The following ADARB2 variants were observed in gnomAD, a reference collection of about 807,000 sequenced individuals.
ADARB2 encodes the protein inactive double-stranded RNA-specific editase B2.
ADARB2 carries 25 observed loss-of-function variants against 62.2 expected under a neutral mutation model. That is an observed-to-expected ratio of 0.40 (90% CI 0.29 to 0.56). ADARB2 has a LOEUF of 0.56. ADARB2 is among the 20% of genes least tolerant of loss of function. The pLI is 0.43. For synonymous variants in ADARB2, 572 were observed against 500.8 expected (o/e 1.14, Z -1.90); for missense variants, 1,071 against 1,077.4 (o/e 0.99, Z 0.08).
chr10:1,622,380 C>T (rs1229279924), intron 1 of ADARB2, among the ~76,000 whole-genome samples: 1 of 152,132 alleles, frequency 6.6e-6, no homozygotes, highest in African/African-American at 2.4e-5. Context: ...CTTCAAAACA[C>T]ATCTTTAATG....
intron 1 of ADARB2, among the ~76,000 whole-genome samples, chr10:1,519,016 A>G (rs4880858): frequency 0.78 from 118,210 of 150,812 alleles, 46,590 homozygotes; most frequent in Middle Eastern, 0.84. Flanking sequence ...ACGTCTGCAC[A>G]TGGTATGGTC....
chr10:1,464,246 G>A (rs1287201627), intron 1 of ADARB2, among the ~76,000 whole-genome samples: 6 of 117,900 alleles, frequency 5.1e-5, no homozygotes, highest in African/African-American at 1.5e-4. Context: ...CGGGCAGTGC[G>A]CCGGAGAAGA....
In ADARB2 at chr10:1,534,067, G is replaced by A. The variant is rs531913722; in HGVS notation, c.101-154907C>T. Reference sequence around the variant, plus strand: ...GGAGAGAGAGAGAGAGAGAGAGATTGATTTAGTTTCTGAGGAGACAAACAC... The same window carrying A: ...GGAGAGAGAGAGAGAGAGAGAGATTAATTTAGTTTCTGAGGAGACAAACAC... On this transcript the variant is annotated intron_variant, in intron 1 of 9. Coordinates refer to ENST00000381312, the MANE Select transcript of ADARB2 (RefSeq NM_018702.4). Among the ~76,000 whole-genome samples the A allele has an allele frequency of 3.3e-5, 5 of 151,324 alleles. No individual in the cohort carries two copies. In the South Asian group the frequency reaches 6.3e-4, roughly 19 times the overall value.
intron 1 of ADARB2, among the ~76,000 whole-genome samples, chr10:1,455,332 AC>A (rs1831084258): frequency 6.6e-6 from 1 of 152,236 alleles, no homozygotes; most frequent in Admixed American, 6.5e-5. Context: ...TTAATTTAAA[AC>A]AATTATGATG....
chr10:1,311,595 C>T (rs1049526362), intron 3 of ADARB2, among the ~76,000 whole-genome samples: 5 of 152,212 alleles, frequency 3.3e-5, no homozygotes, highest in Non-Finnish European at 7.3e-5. Context: ...GAGTGTCCCC[C>T]TGCCTGCTCC....
chr10:1,199,182 C>T (rs900153292), intron 8 of ADARB2, among the ~76,000 whole-genome samples: 9 of 152,084 alleles, frequency 5.9e-5, no homozygotes, highest in Non-Finnish European at 1.3e-4. Flanking sequence ...TTCTGCAGGC[C>T]CAGCATGAGG....
chr10:1,318,926 C>T (rs939538695), intron 3 of ADARB2, among the ~76,000 whole-genome samples: 11 of 152,154 alleles, frequency 7.2e-5, no homozygotes, highest in African/African-American at 1.7e-4. Context: ...GTAGATGGAC[C>T]GTGCTCCAAA....
intron 1 of ADARB2, among the ~76,000 whole-genome samples, chr10:1,613,685 A>G (rs1343426454): frequency 6.6e-6 from 1 of 152,240 alleles, no homozygotes; most frequent in East Asian, 1.9e-4. Flanking sequence ...AGAGTCTTCA[A>G]AGGTGGAGTT....
At chr10:1,680,158 C>T (rs1185635091) in intron 1 of ADARB2, among the ~76,000 whole-genome samples, 1 of 151,972 alleles carries the variant, frequency 6.6e-6, no homozygotes, top group Non-Finnish European at 1.5e-5. Context: ...ACCCGCCACT[C>T]ATACAAACTG....
At chr10:1,311,904 T>G (rs537117141) in intron 3 of ADARB2, among the ~76,000 whole-genome samples, 1 of 152,228 alleles carries the variant, frequency 6.6e-6, no homozygotes, top group Non-Finnish European at 1.5e-5. Flanking sequence ...GAAGGAATGA[T>G]TGAGTCTGTG....
chr10:1,577,313 T>C (rs113379748), intron 1 of ADARB2, among the ~76,000 whole-genome samples: 565 of 83,232 alleles, frequency 6.8e-3, no homozygotes, highest in African/African-American at 9.6e-3. Flanking sequence ...AGGTGCATCC[T>C]GGTGTAAGGC....
At chr10:1,587,288 C>T (rs992804984) in intron 1 of ADARB2, among the ~76,000 whole-genome samples, 4 of 152,284 alleles carry the variant, frequency 2.6e-5, no homozygotes, top group African/African-American at 4.8e-5. Flanking sequence ...GGGTTCTGGG[C>T]GTCCGGGGGC....
chr10:1,628,378 A>G (rs1833798961), intron 1 of ADARB2, among the ~76,000 whole-genome samples: 1 of 152,234 alleles, frequency 6.6e-6, no homozygotes, highest in African/African-American at 2.4e-5. Context: ...TAGGCTGTTA[A>G]TTATTGTTGT....
intron 3 of ADARB2, among the ~76,000 whole-genome samples, chr10:1,324,827 C>T (rs967757492): frequency 6.6e-6 from 1 of 152,004 alleles, no homozygotes; most frequent in Non-Finnish European, 1.5e-5. Context: ...ACAACCTACA[C>T]CTGGGATAAA....
chr10:1,218,461 G>T (rs1589154941), intron 6 of ADARB2, among the ~76,000 whole-genome samples: 1 of 152,194 alleles, frequency 6.6e-6, no homozygotes, highest in Non-Finnish European at 1.5e-5. Flanking sequence ...ACATACATAT[G>T]ATAACGTAAG....
chr10:1,278,707 T>G (rs573278160), intron 3 of ADARB2, among the ~76,000 whole-genome samples: 1 of 152,270 alleles, frequency 6.6e-6, no homozygotes, highest in South Asian at 2.1e-4. Context: ...ATTCCCCTGT[T>G]TGGAGGTCCT....
intron 1 of ADARB2, among the ~76,000 whole-genome samples, chr10:1,479,828 G>C (rs1050129965): frequency 6.6e-6 from 1 of 152,214 alleles, no homozygotes; most frequent in African/African-American, 2.4e-5. Context: ...TTTGTCAAGA[G>C]AAGGTTTAGC....
intron 4 of ADARB2, among the ~76,000 whole-genome samples, chr10:1,270,000 T>A (rs1339626354): frequency 6.6e-6 from 1 of 152,152 alleles, no homozygotes; most frequent in African/African-American, 2.4e-5. Context: ...TTTCAAAGAA[T>A]CTCATATTCT....
At position 1,347,923 on chromosome 10, in the gene ADARB2, CACAGAG is replaced by C. The variant is rs528861418; in HGVS notation, c.1077+15099_1077+15104del. Among the ~76,000 whole-genome samples the C allele has an allele frequency of 9.8e-3, 1,476 of 151,364 alleles. 16 individuals are homozygous for C. Among genetic ancestry groups the C allele is most frequent in the African/African-American group, 0.024 (982 of 41,260 alleles). ...AGAGGGATACGGAGACAGAGACAGA[CACAGAG>C]ACAGAGATAGAGAGAGATAGGGGTG... On this transcript the variant is annotated intron_variant, in intron 3 of 9. Coordinates refer to ENST00000381312, the MANE Select transcript of ADARB2 (RefSeq NM_018702.4).
Sources: gnomAD v4.1 joint callset for allele counts (sites outside exome capture counted in the v4.1 genomes callset) on GRCh38, gnomAD v4.1.1 for gene constraint, MANE v1.5 for transcripts, NCBI Gene and HGNC (gene_info 2026-07-23, HGNC 2026-07-21) for gene names.